The following SNRPN variants were observed in gnomAD, a reference collection of about 807,000 sequenced individuals.
SNRPN encodes small nuclear ribonucleoprotein-associated protein N.
A neutral mutation model predicts 25.2 loss-of-function variants in SNRPN; 7 were observed. The ratio of observed to expected loss-of-function variants is 0.28; its 90% CI spans 0.16 to 0.52. The LOEUF is 0.52. SNRPN is among the 20% of genes least tolerant of loss of function. The pLI is 0.96. For missense variants in SNRPN, 196 were observed against 322.5 expected, an observed-to-expected ratio of 0.61 and a Z score of 3.00; for synonymous variants, 124 against 110.6, an observed-to-expected ratio of 1.12 and a Z score of -0.76.
At chr15:24,972,380 A>C (rs2076527179) in intron 3 of SNRPN, among the ~76,000 whole-genome samples, 1 of 151,972 alleles carries the variant, frequency 6.6e-6, no homozygotes, top group Non-Finnish European at 1.5e-5. Context: ...TTAAACTCTT[A>C]CTCATATTTA....
chr15:24,962,856 GC>G, intron 2 of SNRPN, among the ~76,000 whole-genome samples: 1 of 152,086 alleles, frequency 6.6e-6, no homozygotes, highest in East Asian at 1.9e-4. Context: ...AAAATTTGAT[GC>G]CATTAAAATT....
chr15:24,959,657 G>T (rs2074446602), intron 1 of SNRPN, among the ~76,000 whole-genome samples: 1 of 152,174 alleles, frequency 6.6e-6, no homozygotes, highest in East Asian at 1.9e-4. Flanking sequence ...TTATATTAAG[G>T]TACTACATTA....
intron 2 of SNRPN, among the ~76,000 whole-genome samples, chr15:24,894,640 A>G (rs1013731632): frequency 1.3e-5 from 2 of 152,234 alleles, no homozygotes; most frequent in Admixed American, 6.5e-5. Context: ...CAATCTAGAT[A>G]ATGAATTTTT....
chr15:24,890,175 C>G (rs1399946475), intron 2 of SNRPN, among the ~76,000 whole-genome samples: 5 of 151,998 alleles, frequency 3.3e-5, no homozygotes, highest in Admixed American at 6.6e-5. Flanking sequence ...CCACTTTTCT[C>G]CCCTGAAGCA....
At chr15:24,847,829 A>G (rs1197760247) in intron 2 of SNRPN, among the ~76,000 whole-genome samples, 2 of 152,124 alleles carry the variant, frequency 1.3e-5, no homozygotes, top group African/African-American at 4.8e-5. Context: ...TGATACCCTG[A>G]GCGCAATCAT....
At chr15:24,845,658 T>C (rs2052131134) in intron 2 of SNRPN, among the ~76,000 whole-genome samples, 1 of 152,154 alleles carries the variant, frequency 6.6e-6, no homozygotes, top group South Asian at 2.1e-4. Flanking sequence ...ATATTGTCCC[T>C]TTTCTTCTAA....
At chr15:24,922,951 G>A (rs1383254249) in intron 3 of SNRPN, among the ~76,000 whole-genome samples, 1 of 116,084 alleles carries the variant, frequency 8.6e-6, no homozygotes, top group Non-Finnish European at 1.6e-5. Context: ...GCTCAAGCTG[G>A]ATGGAGTGCA....
chr15:24,969,775 C>A (rs1392299824), intron 3 of SNRPN, among the ~76,000 whole-genome samples: 2 of 152,142 alleles, frequency 1.3e-5, no homozygotes, highest in Non-Finnish European at 2.9e-5. Flanking sequence ...AAATAGTACC[C>A]ATTACTAGTA....
intron 3 of SNRPN, among the ~76,000 whole-genome samples, chr15:24,928,795 G>C (rs2060593887): frequency 6.6e-6 from 1 of 151,816 alleles, no homozygotes; most frequent in South Asian, 2.1e-4. Context: ...TTCTATAAAG[G>C]TGGGGTCTTG....
intron 2 of SNRPN, among the ~76,000 whole-genome samples, chr15:24,835,100 ATATATACTATATATC>A (rs2051012571): frequency 5.6e-5 from 1 of 17,934 alleles, no homozygotes; most frequent in South Asian, 2.7e-3. Flanking sequence ...ATATATAGAT[ATATATACTATATATC>A]TATATATAAA....
intron 7 of SNRPN, 32 bp downstream of exon 7, chr15:24,977,061 G>A: frequency 6.6e-7 from 1 of 1,514,404 alleles, no homozygotes; most frequent in Non-Finnish European, 8.9e-7. Flanking sequence ...TTATATTATT[G>A]GGAGAATATG....
chr15:24,834,751 C>A (rs868686277), intron 2 of SNRPN, among the ~76,000 whole-genome samples: 60 of 60,954 alleles, frequency 9.8e-4, no homozygotes, highest in South Asian at 1.5e-3. Context: ...CTCTCTCTCT[C>A]TATATATATA....
intron 1 of SNRPN, among the ~76,000 whole-genome samples, chr15:24,881,845 A>C (rs1222244640): frequency 6.6e-6 from 1 of 152,150 alleles, no homozygotes; most frequent in Non-Finnish European, 1.5e-5. Flanking sequence ...TGTATGTATA[A>C]TCGTCAAGTC....
chr15:24,976,623 G>C (rs2077089906), intron 6 of SNRPN, among the ~76,000 whole-genome samples: 1 of 152,190 alleles, frequency 6.6e-6, no homozygotes, highest in Non-Finnish European at 1.5e-5. Flanking sequence ...GCATTACCTA[G>C]GTAAGGGTAG....
At chr15:24,916,124 C>T (rs953764374) in intron 2 of SNRPN, among the ~76,000 whole-genome samples, 1 of 151,882 alleles carries the variant, frequency 6.6e-6, no homozygotes, top group African/African-American at 2.4e-5. Context: ...CCAAGCCTGG[C>T]TAACTTTTGT....
intron 1 of SNRPN, among the ~76,000 whole-genome samples, chr15:24,879,498 G>A (rs4906932): frequency 0.7 from 105,760 of 151,634 alleles, 37,410 homozygotes; most frequent in African/African-American, 0.81. Flanking sequence ...ATATATGTGT[G>A]ATGTTTTCTA....
chr15:24,937,474 G>T (rs923189242), intron 3 of SNRPN, among the ~76,000 whole-genome samples: 1 of 152,046 alleles, frequency 6.6e-6, no homozygotes, highest in South Asian at 2.1e-4. Flanking sequence ...TTCAAGCCAT[G>T]ATCTCACCAC....
At chr15:24,868,360 C>T (rs2054786373) in intron 1 of SNRPN, among the ~76,000 whole-genome samples, 1 of 152,126 alleles carries the variant, frequency 6.6e-6, no homozygotes. Context: ...GGCTGTTGTC[C>T]AGAGGCTGCA....
At chr15:24,941,423 A>C (rs896842518) in intron 3 of SNRPN, among the ~76,000 whole-genome samples, 2 of 152,202 alleles carry the variant, frequency 1.3e-5, no homozygotes, top group Non-Finnish European at 1.5e-5. Flanking sequence ...ACTACTCATT[A>C]TGTATTTCCA....
Sources: allele counts gnomAD v4.1 joint callset (sites outside exome capture counted in the v4.1 genomes callset), GRCh38; gene constraint gnomAD v4.1.1; transcripts MANE v1.5; gene names NCBI Gene and HGNC (gene_info 2026-07-23, HGNC 2026-07-21).